LRRC7: variants seen among roughly 807,000 people sequenced by gnomAD.
LRRC7 encodes leucine-rich repeat-containing protein 7.
In LRRC7, 23 loss-of-function variants were observed where a neutral mutation model predicts 175.7. That is an observed-to-expected ratio of 0.13 (90% CI 0.09 to 0.19). LRRC7 has a LOEUF of 0.19. Among genes scored for constraint, LRRC7 ranks in the 10% least tolerant of loss-of-function variants. The probability of loss-of-function intolerance (pLI) is 1.00; values close to 1 mark genes in which losing one functional copy is unlikely to be tolerated. For synonymous variants in LRRC7, 685 were observed against 680.9 expected (o/e 1.01, Z -0.09); for missense variants, 1,354 against 1,904.7 (o/e 0.71, Z 5.38).
intron 24 of LRRC7, among the ~76,000 whole-genome samples, chr1:70,089,025 C>G (rs1019507984): frequency 6.6e-6 from 1 of 152,066 alleles, no homozygotes; most frequent in African/African-American, 2.4e-5. Context: ...CATTCTCTTT[C>G]CCTAGCAATG....
Position 70,126,569 on chromosome 1 carries a change from A to G in LRRC7, c.*4682A>G, listed in dbSNP as rs1666463800. Among the ~76,000 whole-genome samples, 1 of 152,144 alleles carries G rather than the reference A, an allele frequency of 6.6e-6. No individual in the cohort carries two copies. The highest frequency in any genetic ancestry group is 2.4e-5 in the African/African-American group (1 of 41,410). On this transcript the variant is annotated 3_prime_UTR_variant, in exon 27 of 27. Transcript: ENST00000651989. ...CAATACAACCACCTTCTGTTAAGAA[A>G]AGCATCTTGCCTTGGCTCAGAATAT...
chr1:69,792,247 T>G, intron 4 of LRRC7, 87 bp downstream of exon 4: 1 of 781,892 alleles, frequency 1.3e-6, no homozygotes, highest in Non-Finnish European at 2.1e-6. Context: ...TAATCTAAAA[T>G]AACTTTTTCT....
intron 23 of LRRC7, among the ~76,000 whole-genome samples, chr1:70,072,494 A>T (rs781099765): frequency 2.9e-4 from 44 of 152,192 alleles, no homozygotes; most frequent in Non-Finnish European, 5.1e-4. Context: ...AACTTTATTT[A>T]AAAAATTGTG....
chr1:69,573,241 A>G (rs1645809165), intron 1 of LRRC7, among the ~76,000 whole-genome samples: 1 of 152,176 alleles, frequency 6.6e-6, no homozygotes, highest in South Asian at 2.1e-4. Flanking sequence ...ATTTAAGCCC[A>G]GATTTGGCCC....
intron 8 of LRRC7, among the ~76,000 whole-genome samples, chr1:69,961,968 A>T (rs1344822791): frequency 6.6e-6 from 1 of 152,144 alleles, no homozygotes; most frequent in African/African-American, 2.4e-5. Flanking sequence ...CAGTTGCAAA[A>T]AAAAGCAAAA....
intron 7 of LRRC7, among the ~76,000 whole-genome samples, chr1:69,886,681 G>T (rs892469187): frequency 2.0e-5 from 3 of 146,774 alleles, no homozygotes; most frequent in Non-Finnish European, 4.5e-5. Flanking sequence ...TGGTGATTTT[G>T]CTCATTAGTT....
rs976520009 is a variant in LRRC7 at position 69,568,010 on chromosome 1, C to G, written c.-630C>G. ...CGGGCTTGAAGCCACGGACACCCAG[C>G]CCCAGTGCAGCGGGTTCTCGCCGGC... On this transcript the variant is annotated 5_prime_UTR_variant, in exon 1 of 27. Transcript: ENST00000651989. Among the ~76,000 whole-genome samples the G allele has an allele frequency of 6.6e-6, 1 of 152,096 alleles. No homozygotes were observed. The highest frequency in any genetic ancestry group is 1.5e-5 in the Non-Finnish European group (1 of 68,018).
intron 1 of LRRC7, among the ~76,000 whole-genome samples, chr1:69,572,695 G>A (rs1435891503): frequency 6.6e-6 from 1 of 152,034 alleles, no homozygotes; most frequent in Non-Finnish European, 1.5e-5. Flanking sequence ...TGCAATCTTA[G>A]GTAATACATC....
intron 1 of LRRC7, among the ~76,000 whole-genome samples, chr1:69,654,815 AC>A (rs1171812944): frequency 6.6e-6 from 1 of 152,164 alleles, no homozygotes; most frequent in African/African-American, 2.4e-5. Flanking sequence ...CTACTTATTC[AC>A]CATTAATAAA....
intron 2 of LRRC7, among the ~76,000 whole-genome samples, chr1:69,703,874 T>C (rs1663691269): frequency 6.6e-6 from 1 of 152,050 alleles, no homozygotes; most frequent in African/African-American, 2.4e-5. Context: ...ACTTTATCAC[T>C]GTTCTTTATT....
At chr1:70,086,806 T>A (rs1452502571) in intron 24 of LRRC7, among the ~76,000 whole-genome samples, 1 of 152,166 alleles carries the variant, frequency 6.6e-6, no homozygotes, top group Non-Finnish European at 1.5e-5. Context: ...TTTATTAGCT[T>A]CCTAGACCTA....
intron 1 of LRRC7, among the ~76,000 whole-genome samples, chr1:69,667,135 T>G (rs983949655): frequency 6.6e-6 from 1 of 152,196 alleles, no homozygotes; most frequent in Admixed American, 6.5e-5. Context: ...TTTTTATTGA[T>G]TTCTAGTTTT....
intron 26 of LRRC7, among the ~76,000 whole-genome samples, chr1:70,110,143 G>T (rs1018900560): frequency 1.3e-5 from 2 of 152,208 alleles, no homozygotes; most frequent in African/African-American, 4.8e-5. Context: ...ACTTTGAGAG[G>T]CAGAGGCAGG....
intron 25 of LRRC7, among the ~76,000 whole-genome samples, chr1:70,097,828 A>G (rs1664524844): frequency 6.7e-6 from 1 of 149,992 alleles, no homozygotes; most frequent in African/African-American, 2.5e-5. Context: ...TCCATGGTGT[A>G]TATGTGCCAC....
intron 26 of LRRC7, among the ~76,000 whole-genome samples, chr1:70,117,707 A>G (rs1454748832): frequency 1.3e-5 from 2 of 152,134 alleles, no homozygotes; most frequent in Non-Finnish European, 2.9e-5. Context: ...AATTTTCAGA[A>G]TATCTTTTCC....
At chr1:69,631,319 T>C (rs1451798621) in intron 1 of LRRC7, among the ~76,000 whole-genome samples, 1 of 152,150 alleles carries the variant, frequency 6.6e-6, no homozygotes, top group African/African-American at 2.4e-5. Flanking sequence ...TACCATATCC[T>C]ACCCATTTTG....
At chr1:69,786,793 G>C (rs566850710) in intron 3 of LRRC7, among the ~76,000 whole-genome samples, 1 of 152,270 alleles carries the variant, frequency 6.6e-6, no homozygotes, top group East Asian at 1.9e-4. Context: ...GGAGCTACAA[G>C]ATGAGATTTG....
chr1:69,759,136 TCA>T (rs1431954219), intron 2 of LRRC7, among the ~76,000 whole-genome samples: 1 of 151,950 alleles, frequency 6.6e-6, no homozygotes, highest in African/African-American at 2.4e-5. Flanking sequence ...AGGAAGACAT[TCA>T]CAGAGATAGT....
chr1:69,649,348 A>G (rs1474224278), intron 1 of LRRC7, among the ~76,000 whole-genome samples: 1 of 152,192 alleles, frequency 6.6e-6, no homozygotes, highest in Admixed American at 6.5e-5. Context: ...TCAATTTTGA[A>G]GGGAGAGAAA....
Sources: gnomAD v4.1 joint callset for allele counts (sites outside exome capture counted in the v4.1 genomes callset) on GRCh38, gnomAD v4.1.1 for gene constraint, MANE v1.5 for transcripts, NCBI Gene and HGNC (gene_info 2026-07-23, HGNC 2026-07-21) for gene names.